VEZF1: variants seen among roughly 807,000 people sequenced by gnomAD.
VEZF1 encodes putative transcription factor DB1.
In VEZF1, 5 loss-of-function variants were observed where a neutral mutation model predicts 44.1. The ratio of observed to expected loss-of-function variants is 0.11; its 90% CI spans 0.06 to 0.24. VEZF1 has a LOEUF of 0.24. Ranked by LOEUF, VEZF1 falls within the 10% of genes least tolerant of loss-of-function variation. The pLI is 1.00. For missense variants in VEZF1, 358 were observed against 641.8 expected (o/e 0.56, Z 4.78); for synonymous variants, 236 against 233.1 (o/e 1.01, Z -0.11).
chr17:57,979,023 C>T, intron 5 of VEZF1, 129 bp downstream of exon 5: 1 of 1,225,902 alleles, frequency 8.2e-7, no homozygotes, highest in Non-Finnish European at 1.1e-6. Context: ...TATTTCCCAG[C>T]ATGCACTATT....
At position 57,976,775 on chromosome 17, in the gene VEZF1, T is replaced by G. The variant is rs188103048; in HGVS notation, c.1139-1875A>C. On this transcript the variant is annotated intron_variant, in intron 5 of 5. Coordinates refer to ENST00000581208, the MANE Select transcript of VEZF1 (RefSeq NM_007146.3). ...TGAGCTAAACAACCAAGTCTTATTG[T>G]GCAAGCAAATTGAAATACAATACCA... Among the ~76,000 whole-genome samples the G allele has an allele frequency of 2.4e-4, 36 of 152,230 alleles. No homozygotes were observed. The East Asian group carries it at 3.7e-3, about 16-fold the overall frequency.
In VEZF1 at chr17:57,983,838, A is replaced by G. The variant is rs572529230; in HGVS notation, c.34-445T>C. On this transcript the variant is annotated intron_variant, in intron 1 of 5. Coordinates refer to ENST00000581208, the MANE Select transcript of VEZF1 (RefSeq NM_007146.3). The stretch of plus-strand genomic sequence containing the variant: ...CAATAACACAATCATCTATTTGTCT[A>G]TTATCCAGAAGAAAAGCATCATGTC... Among the ~76,000 whole-genome samples the G allele has an allele frequency of 9.2e-5, 14 of 152,368 alleles. No individual in the cohort carries two copies. In the East Asian group the frequency reaches 1.7e-3, roughly 19 times the overall value.
At chr17:57,977,140 G>C (rs985618357) in intron 5 of VEZF1, among the ~76,000 whole-genome samples, 1 of 151,786 alleles carries the variant, frequency 6.6e-6, no homozygotes, top group African/African-American at 2.4e-5. Flanking sequence ...TTTTGAGATG[G>C]GGGTCTCAAT....
chr17:57,974,070 A>C lies in VEZF1; in HGVS notation c.*403T>G, dbSNP rs2075164203. Reference sequence around the variant, plus strand: ...TCTGTGGATTTAAAATTTCAGGTTAAAATCAGCCATCCACCTTGTATAGGG... The same window carrying C: ...TCTGTGGATTTAAAATTTCAGGTTACAATCAGCCATCCACCTTGTATAGGG... On this transcript the variant is annotated 3_prime_UTR_variant, in exon 6 of 6. Coordinates refer to ENST00000581208, the MANE Select transcript of VEZF1 (RefSeq NM_007146.3). 1 of 179,554 alleles carries C rather than the reference A, an allele frequency of 5.6e-6. No individual in the cohort carries two copies. Among genetic ancestry groups the C allele is most frequent in the African/African-American group, 2.4e-5 (1 of 42,308 alleles). 11.1% of individuals were successfully genotyped at this position (179,554 alleles called of 1,614,324 possible). A position where few individuals can be genotyped will look rare whatever the true frequency, so the allele number is the denominator to read the frequency against.
In VEZF1 at chr17:57,987,816, AGTGT is replaced by A. The variant is rs890111460; in HGVS notation, c.33+259_33+262del. On this transcript the variant is annotated intron_variant, in intron 1 of 5. Transcript: ENST00000581208. ...AGAGCGAGAGGGAAGGGTGTGTGTGAGTGTGTGTGTGTGCGTGTGTGTGCTGGGG... is the reference window on the plus strand; with the variant it reads ...AGAGCGAGAGGGAAGGGTGTGTGTGAGTGTGTGTGCGTGTGTGTGCTGGGG... 2.0e-5 allele frequency among the ~76,000 whole-genome samples: 3 copies of A among 150,594 alleles called. No homozygotes were observed. The East Asian group carries it at 6.0e-4, about 30-fold the overall frequency.
chr17:57,982,646 G>T, intron 2 of VEZF1, 53 bp downstream of exon 2: 1 of 1,520,438 alleles, frequency 6.6e-7, no homozygotes, highest in South Asian at 1.3e-5. Context: ...AGACAAAACT[G>T]AAGTACACTG....
chr17:57,984,677 G>T (rs1303438476), intron 1 of VEZF1, among the ~76,000 whole-genome samples: 1 of 152,052 alleles, frequency 6.6e-6, no homozygotes, highest in East Asian at 1.9e-4. Context: ...AAAAAACAAA[G>T]AGAAACACAC....
chr17:57,986,703 C>A (rs2075296807), intron 1 of VEZF1, among the ~76,000 whole-genome samples: 1 of 152,220 alleles, frequency 6.6e-6, no homozygotes, highest in African/African-American at 2.4e-5. Flanking sequence ...CCAGTCTACA[C>A]AGTAGGTAAT....
intron 3 of VEZF1, 138 bp from the exon 4 acceptor site, chr17:57,980,924 A>C (rs1249500739): frequency 2.6e-6 from 2 of 773,974 alleles, no homozygotes; most frequent in Admixed American, 2.9e-5. Flanking sequence ...TATGTTACCT[A>C]GAATCATAAT....
At position 57,973,434 on chromosome 17, in the gene VEZF1, T is replaced by C. The variant is rs547951582; in HGVS notation, c.*1039A>G. The C allele has an allele frequency of 6.5e-6, 1 of 152,746 alleles. No individual in the cohort carries two copies. Among genetic ancestry groups the C allele is most frequent in the South Asian group, 2.1e-4 (1 of 4,832 alleles). 9.5% of individuals were successfully genotyped at this position (152,746 alleles called of 1,614,324 possible). ...TCTGAAGGGGCATACACTACCTAGT[T>C]AGTGGTTAGAATAAAAACTGTATAC... On this transcript the variant is annotated 3_prime_UTR_variant, in exon 6 of 6. Transcript: ENST00000581208.
At chr17:57,986,309 CT>C (rs926402035) in intron 1 of VEZF1, among the ~76,000 whole-genome samples, 15 of 149,692 alleles carry the variant, frequency 1.0e-4, no homozygotes, top group South Asian at 8.5e-4. Flanking sequence ...ATGAAGAACA[CT>C]TTTTTTTTTC....
chr17:57,979,550 C>A (rs1361531497), intron 4 of VEZF1, among the ~76,000 whole-genome samples: 5 of 143,170 alleles, frequency 3.5e-5, no homozygotes, highest in East Asian at 2.0e-4. Flanking sequence ...AAAAAAAAAA[C>A]CATCAAAAAA....
chr17:57,975,968 T>C (rs1235422154), intron 5 of VEZF1, among the ~76,000 whole-genome samples: 2 of 152,098 alleles, frequency 1.3e-5, no homozygotes, highest in Non-Finnish European at 2.9e-5. Flanking sequence ...CCAGCTAATT[T>C]TTGTGTTTTT....
At chr17:57,979,405 AACC>A in intron 4 of VEZF1, 92 bp from the exon 5 acceptor site, 1 of 1,550,736 alleles carries the variant, frequency 6.4e-7, no homozygotes, top group Non-Finnish European at 8.7e-7. Flanking sequence ...CTGTGATCTT[AACC>A]ATTTAACCTG....
rs1567735653 is a variant in VEZF1, at chr17:57,973,469, TAA to T, written c.*1002_*1003del. 1.3e-5 allele frequency: 2 copies of T among 152,630 alleles called. No individual in the cohort carries two copies. The highest frequency in any genetic ancestry group is 4.8e-5 in the African/African-American group (2 of 41,454). The allele number at this position is 152,630 out of a possible 1,614,324, so 9.5% of individuals were successfully genotyped here. On this transcript the variant is annotated 3_prime_UTR_variant, in exon 6 of 6. Transcript: ENST00000581208. ...AATAAAAACTGTATACAATTTAATA[TAA>T]GACATAAACTCTAGTGAGCAACTAA...
Position 57,979,225 on chromosome 17 carries a change from A to ATGTTGT in VEZF1, c.1059_1064dup (p.Gln353_Gln354dup), listed in dbSNP as rs199628152. The ATGTTGT allele has an allele frequency of 5.8e-5, 93 of 1,610,176 alleles. No individual in the cohort carries two copies. The highest frequency in any genetic ancestry group is 3.2e-4 in the South Asian group (29 of 90,752). On this transcript the variant is annotated inframe_insertion, in exon 5 of 6. Coordinates refer to ENST00000581208, the MANE Select transcript of VEZF1 (RefSeq NM_007146.3). ...CTTGCTTCCCTGGCCAGCTTGTCACATGTTGTTGTTGTTGTTGTTGCTGCT... is the reference window on the plus strand; with the variant it reads ...CTTGCTTCCCTGGCCAGCTTGTCACATGTTGTTGTTGTTGTTGTTGTTGTTGCTGCT...
At chr17:57,987,816 AGT>A (rs890111460) in intron 1 of VEZF1, among the ~76,000 whole-genome samples, 49 of 150,584 alleles carry the variant, frequency 3.3e-4, no homozygotes, top group African/African-American at 1.1e-3. Flanking sequence ...GGTGTGTGTG[AGT>A]GTGTGTGTGT....
intron 4 of VEZF1, 29 bp from the exon 5 acceptor site, chr17:57,979,342 T>C: frequency 6.2e-7 from 1 of 1,608,012 alleles, no homozygotes; most frequent in Non-Finnish European, 8.5e-7. Context: ...AAAAACACTG[T>C]ATCTACCTGT....
In VEZF1 at chr17:57,976,511, CT is replaced by C. The variant is rs1447912104; in HGVS notation, c.1139-1612del. ...TTGGGAAATGTGTATTTTTAAAAAG[CT>C]TCCCAGACAATATGATTGTCGATCA... On this transcript the variant is annotated intron_variant, in intron 5 of 5. Transcript: ENST00000581208. Among the ~76,000 whole-genome samples, 3 of 152,218 alleles carry C rather than the reference CT, an allele frequency of 2.0e-5. No homozygotes were observed. In the East Asian group the frequency reaches 5.8e-4, roughly 29 times the overall value.
Sources: allele counts gnomAD v4.1 joint callset (sites outside exome capture counted in the v4.1 genomes callset), GRCh38; gene constraint gnomAD v4.1.1; transcripts MANE v1.5; gene names NCBI Gene and HGNC (gene_info 2026-07-23, HGNC 2026-07-21).